Variants in COL4A4 observed in about 807,000 individuals in gnomAD.
COL4A4 encodes collagen alpha-4(IV) chain.
A neutral mutation model predicts 192.9 loss-of-function variants in COL4A4; 105 were observed. The observed-to-expected ratio is 0.54, with a 90% CI of 0.46 to 0.64. The LOEUF (loss-of-function observed/expected upper bound fraction) is 0.64. COL4A4 is among the 30% of genes least tolerant of loss of function. COL4A4 has a pLI of 0.00. For synonymous variants in COL4A4, 762 were observed against 769.9 expected (o/e 0.99, Z 0.17); for missense variants, 1,967 against 2,169.3 (o/e 0.91, Z 1.85).
downstream of COL4A4, chr2:226,998,636 G>T (rs939220651): frequency 6.6e-6 from 1 of 151,778 alleles, no homozygotes; most frequent in Non-Finnish European, 1.5e-5. Context: ...TCTCAGCTTA[G>T]AGAGTCACAG....
At chr2:227,040,530 A>G (rs974107868) in intron 37 of COL4A4, among the ~76,000 whole-genome samples, 1 of 152,066 alleles carries the variant, frequency 6.6e-6, no homozygotes, top group Non-Finnish European at 1.5e-5. Context: ...GTTATGCTAA[A>G]GATATGTTCA....
intron 30 of COL4A4, among the ~76,000 whole-genome samples, chr2:227,055,113 G>A (rs1322838913): frequency 6.6e-6 from 1 of 152,142 alleles, no homozygotes; most frequent in Non-Finnish European, 1.5e-5. Context: ...TTACAGGCTA[G>A]TATGATTCTT....
At chr2:227,139,229 G>A (rs936657554) in intron 4 of COL4A4, among the ~76,000 whole-genome samples, 1 of 152,164 alleles carries the variant, frequency 6.6e-6, no homozygotes. Context: ...CTCCTGGACT[G>A]TGAGAAATAA....
chr2:227,147,656 T>C (rs2063634466), intron 1 of COL4A4, 72 bp from the exon 2 acceptor site: 3 of 602,670 alleles, frequency 5.0e-6, no homozygotes, highest in Non-Finnish European at 8.9e-6. Context: ...TTTCATTTTT[T>C]ATCGTTATGG....
At chr2:227,032,776 C>T (rs758133786) in intron 38 of COL4A4, among the ~76,000 whole-genome samples, 89 of 152,318 alleles carry the variant, frequency 5.8e-4, no homozygotes, top group Non-Finnish European at 1.1e-3. Context: ...TTTCACCTCT[C>T]TCCAACAATA....
intron 44 of COL4A4, among the ~76,000 whole-genome samples, chr2:227,018,500 G>A (rs1476954791): frequency 6.6e-6 from 1 of 152,154 alleles, no homozygotes; most frequent in African/African-American, 2.4e-5. Context: ...GGAGAAGAGA[G>A]GTCCTTTGTA....
intron 12 of COL4A4, among the ~76,000 whole-genome samples, chr2:227,104,371 C>T (rs1225550245): frequency 1.4e-5 from 2 of 146,818 alleles, no homozygotes; most frequent in African/African-American, 5.0e-5. Context: ...GAGATCGAGA[C>T]CATCCTGGCT....
intron 33 of COL4A4, 49 bp downstream of exon 33, chr2:227,050,928 A>G: frequency 6.2e-7 from 1 of 1,610,034 alleles, no homozygotes; most frequent in Non-Finnish European, 8.5e-7. Context: ...ACATCCTAAG[A>G]ACAGAAAGGT....
chr2:227,119,279 T>C (rs76545407), intron 6 of COL4A4, among the ~76,000 whole-genome samples: 5,284 of 151,934 alleles, frequency 0.035, 291 homozygotes, highest in African/African-American at 0.12. Context: ...CTGGGAGTTA[T>C]TGTACAAAAT....
intron 3 of COL4A4, among the ~76,000 whole-genome samples, chr2:227,140,523 A>G (rs889320275): frequency 3.9e-5 from 6 of 152,192 alleles, no homozygotes; most frequent in African/African-American, 1.4e-4. Context: ...CCTTTCGGTA[A>G]GACTTAATTT....
chr2:227,156,886 T>C (rs1451972405), intron 1 of COL4A4, among the ~76,000 whole-genome samples: 1 of 152,170 alleles, frequency 6.6e-6, no homozygotes, highest in Non-Finnish European at 1.5e-5. Flanking sequence ...TCCTAAAATA[T>C]AATTGGGAAT....
chr2:227,040,568 CTTTT>C (rs66552238), intron 37 of COL4A4, among the ~76,000 whole-genome samples: 3 of 141,022 alleles, frequency 2.1e-5, no homozygotes, highest in Non-Finnish European at 3.1e-5. Context: ...AATACTTTTT[CTTTT>C]TTTTTTTTTT....
chr2:227,097,914 C>A (rs770742790), intron 19 of COL4A4, among the ~76,000 whole-genome samples: 6 of 152,202 alleles, frequency 3.9e-5, no homozygotes, highest in Non-Finnish European at 8.8e-5. Context: ...CAAGACTTTT[C>A]TCCTCACAGG....
chr2:227,102,758 T>C, intron 15 of COL4A4, 31 bp downstream of exon 15: 1 of 1,583,478 alleles, frequency 6.3e-7, no homozygotes, highest in South Asian at 1.1e-5. Context: ...TATCTCCAAA[T>C]TCACTGATGT....
chr2:227,138,133 AAATAATAAT>A (rs35550127), intron 4 of COL4A4, among the ~76,000 whole-genome samples: 1 of 147,118 alleles, frequency 6.8e-6, no homozygotes, highest in African/African-American at 2.5e-5. Context: ...CCACCTCTAC[AAATAATAAT>A]AATAATAATA....
In COL4A4 at chr2:227,069,400, G is replaced by A. The variant is rs976591571; in HGVS notation, c.1988-6802C>T. ...GTTCATATGGAACCAAAAAAGAGCC[G>A]GCATCGCCAAGTCAATCCTAAGCCA... is the stretch of plus-strand genomic sequence containing the variant. On this transcript the variant is annotated intron_variant, in intron 25 of 47. Transcript: ENST00000396625. Among the ~76,000 whole-genome samples the A allele has an allele frequency of 1.2e-4, 18 of 152,044 alleles. No individual in the cohort carries two copies. In the East Asian group the frequency reaches 1.7e-3, roughly 15 times the overall value.
chr2:227,040,383 G>T (rs913899372), intron 37 of COL4A4, among the ~76,000 whole-genome samples: 1 of 152,022 alleles, frequency 6.6e-6, no homozygotes, highest in African/African-American at 2.4e-5. Flanking sequence ...TCTCCTATTT[G>T]TCCATTCATT....
In COL4A4 at chr2:227,002,730, C is replaced by A. The variant is rs1961287967; in HGVS notation, c.*4595G>T. 1 of 152,618 alleles carries A rather than the reference C, an allele frequency of 6.6e-6. No individual in the cohort carries two copies. The highest frequency in any genetic ancestry group is 1.9e-4 in the East Asian group (1 of 5,202). 9.5% of individuals were successfully genotyped at this position (152,618 alleles called of 1,614,324 possible). A position where few individuals can be genotyped will look rare whatever the true frequency, so the allele number is the denominator to read the frequency against. ...ACACAGTTGTTTTTGGAAGTCATCA[C>A]AGAATTTTATATATAATGAACCATA... On this transcript the variant is annotated 3_prime_UTR_variant, in exon 48 of 48. Transcript: ENST00000396625.
rs752821065 is a variant in COL4A4, at chr2:227,008,197, C to T, written c.4630G>A (p.Ala1544Thr). The T allele has an allele frequency of 1.9e-6, 3 of 1,614,168 alleles. No homozygotes were observed. In the South Asian group the frequency reaches 3.3e-5, roughly 18 times the overall value. ...AQRNDRSYWL[A>T]SAAPLPMMPL... Reference sequence around the variant, plus strand: ...ATCATGGGGAGGGGCGCAGCGCTGGCCAGCCAGTAGGATCTGTCGTTTCTC... The same window carrying T: ...ATCATGGGGAGGGGCGCAGCGCTGGTCAGCCAGTAGGATCTGTCGTTTCTC... Residue 1544 changes from alanine (A) to threonine (T), a missense_variant, in exon 47 of 48, where the codon GCC becomes ACC. Ala to Thr is a moderately conservative substitution (Grantham distance 58). Transcript: ENST00000396625.
Sources: gnomAD v4.1 joint callset for allele counts (sites outside exome capture counted in the v4.1 genomes callset) on GRCh38, gnomAD v4.1.1 for gene constraint, MANE v1.5 for transcripts, NCBI Gene and HGNC (gene_info 2026-07-23, HGNC 2026-07-21) for gene names.